The following TNFRSF11A variants were observed in gnomAD, a reference collection of about 807,000 sequenced individuals.
The protein encoded by TNFRSF11A is TNF receptor superfamily member 11a, also known as tumor necrosis factor receptor superfamily member 11A.
Under a neutral mutation model 55.7 loss-of-function variants are expected in TNFRSF11A, and 32 were observed. The observed-to-expected ratio is 0.57, with a 90% CI of 0.43 to 0.77. The LOEUF is 0.77. Ranked by LOEUF, TNFRSF11A falls within the 30% of genes least tolerant of loss-of-function variation. The pLI, the probability that TNFRSF11A is intolerant of heterozygous loss-of-function variation, is 0.00. For missense variants in TNFRSF11A, 753 were observed against 809.8 expected, an observed-to-expected ratio of 0.93 and a Z score of 0.85; for synonymous variants, 311 against 331.0, an observed-to-expected ratio of 0.94 and a Z score of 0.65.
intron 4 of TNFRSF11A, among the ~76,000 whole-genome samples, chr18:62,357,187 G>A (rs928898915): frequency 6.6e-6 from 1 of 152,218 alleles, no homozygotes; most frequent in Non-Finnish European, 1.5e-5. Context: ...CCTTTTTTTA[G>A]TGTTTTATTC....
In TNFRSF11A at chr18:62,348,166, AG is replaced by A; in HGVS notation, c.76del. 2 of 1,613,600 alleles carry A rather than the reference AG, an allele frequency of 1.2e-6. No homozygotes were observed. The highest frequency in any genetic ancestry group is 1.7e-6 in the Non-Finnish European group (2 of 1,179,744). On this transcript the variant is annotated splice_acceptor_variant, in intron 1 of 9. Coordinates refer to ENST00000586569, the MANE Select transcript of TNFRSF11A (RefSeq NM_003839.4). LOFTEE classifies it high-confidence loss of function. ...TCTGCCTGACCTCAGTGTTCTTTTCAGGTGGCTTTGCAGATCGCTCCTCCAT... is the reference window on the plus strand; with the variant it reads ...TCTGCCTGACCTCAGTGTTCTTTTCAGTGGCTTTGCAGATCGCTCCTCCAT...
intron 1 of TNFRSF11A, among the ~76,000 whole-genome samples, chr18:62,331,348 G>C (rs1457006930): frequency 1.3e-5 from 2 of 152,164 alleles, no homozygotes; most frequent in African/African-American, 4.8e-5. Context: ...ATGTTGTTCT[G>C]GTTCAAGTGA....
chr18:62,390,784 T>A lies in TNFRSF11A; in HGVS notation c.*5750T>A, dbSNP rs1911964642. 6.6e-6 allele frequency: 1 copy of A among 152,234 alleles called. No individual in the cohort carries two copies. Among genetic ancestry groups the A allele is most frequent in the Non-Finnish European group, 1.5e-5 (1 of 68,042 alleles). The allele number at this position is 152,234 out of a possible 1,614,324, so 9.4% of individuals were successfully genotyped here. ...ATGACAAAGAAACCATTAAAATGAA[T>A]GTTTAAAGTTCTTAGAAGAGCTTTC... On this transcript the variant is annotated 3_prime_UTR_variant, in exon 10 of 10. Transcript: ENST00000586569.
chr18:62,368,247 T>C (rs1910245686), intron 8 of TNFRSF11A, among the ~76,000 whole-genome samples: 1 of 152,246 alleles, frequency 6.6e-6, no homozygotes, highest in South Asian at 2.1e-4. Flanking sequence ...ACCTGGCTCC[T>C]ATTATTCTCA....
At chr18:62,365,840 CAG>C (rs1388422910) in intron 7 of TNFRSF11A, among the ~76,000 whole-genome samples, 1 of 151,794 alleles carries the variant, frequency 6.6e-6, no homozygotes, top group African/African-American at 2.4e-5. Context: ...TTTTTTGAGA[CAG>C]AGTTTCGCTC....
chr18:62,370,660 T>G (rs1910483101), intron 9 of TNFRSF11A, among the ~76,000 whole-genome samples: 1 of 152,174 alleles, frequency 6.6e-6, no homozygotes, highest in South Asian at 2.1e-4. Context: ...TAATAGCAGT[T>G]CTCAGTCAAA....
At chr18:62,354,356 T>G in intron 3 of TNFRSF11A, 35 bp from the exon 4 acceptor site, 4 of 1,534,520 alleles carry the variant, frequency 2.6e-6, no homozygotes, top group Non-Finnish European at 3.5e-6. Flanking sequence ...TGCCTGCCCC[T>G]CCCTGGCCAC....
chr18:62,368,542 G>A (rs1285106446), intron 8 of TNFRSF11A, among the ~76,000 whole-genome samples, 159 bp from the exon 9 acceptor site: 3 of 152,242 alleles, frequency 2.0e-5, no homozygotes, highest in South Asian at 2.1e-4. Context: ...TCCTGCACTC[G>A]GTAATTTGAA....
intron 3 of TNFRSF11A, among the ~76,000 whole-genome samples, chr18:62,352,653 T>C (rs972882578): frequency 6.6e-6 from 1 of 152,236 alleles, no homozygotes; most frequent in African/African-American, 2.4e-5. Flanking sequence ...GATGGGATCC[T>C]AGGAGTAGTT....
At chr18:62,330,386 T>C (rs1321134075) in intron 1 of TNFRSF11A, among the ~76,000 whole-genome samples, 1 of 152,188 alleles carries the variant, frequency 6.6e-6, no homozygotes, top group East Asian at 1.9e-4. Context: ...GGTTCCAGAA[T>C]GACCAGTGCT....
chr18:62,377,362 T>G (rs1910971684), intron 9 of TNFRSF11A, among the ~76,000 whole-genome samples: 2 of 152,172 alleles, frequency 1.3e-5, no homozygotes, highest in African/African-American at 4.8e-5. Flanking sequence ...GTGTGCAGAT[T>G]TTTGTGTGGA....
At chr18:62,342,979 T>C (rs1261913103) in intron 1 of TNFRSF11A, among the ~76,000 whole-genome samples, 1 of 152,230 alleles carries the variant, frequency 6.6e-6, no homozygotes, top group East Asian at 1.9e-4. Flanking sequence ...TTTAGTGTTT[T>C]GGGTACACAG....
In TNFRSF11A at chr18:62,325,954, G is replaced by T. The variant is rs1451999684; in HGVS notation, c.75+527G>T. ...GGGGACACCCCTGCCAGCTCGCCTGGAGGCCCCGCACGGCGGGGAGAGACT... is the reference window on the plus strand; with the variant it reads ...GGGGACACCCCTGCCAGCTCGCCTGTAGGCCCCGCACGGCGGGGAGAGACT... On this transcript the variant is annotated intron_variant, in intron 1 of 9. Transcript: ENST00000586569. The surrounding 1 kb of genome is among the most constrained non-coding windows in gnomAD (Gnocchi z 4.7). Among the ~76,000 whole-genome samples, 1 of 152,176 alleles carries T rather than the reference G, an allele frequency of 6.6e-6. No homozygotes were observed. Among genetic ancestry groups the T allele is most frequent in the South Asian group, 2.1e-4 (1 of 4,826 alleles).
chr18:62,380,780 C>T (rs944231484), intron 9 of TNFRSF11A, among the ~76,000 whole-genome samples: 2 of 150,738 alleles, frequency 1.3e-5, no homozygotes, highest in Admixed American at 1.3e-4. Flanking sequence ...TTCCACAAGC[C>T]TCACGGCCTT....
At chr18:62,346,712 C>T (rs2046389309) in intron 1 of TNFRSF11A, among the ~76,000 whole-genome samples, 1 of 152,228 alleles carries the variant, frequency 6.6e-6, no homozygotes, top group Admixed American at 6.5e-5. Flanking sequence ...CCCACACCCA[C>T]TCAGCTAGCC....
intron 1 of TNFRSF11A, among the ~76,000 whole-genome samples, chr18:62,341,162 G>A (rs764057984): frequency 1.3e-5 from 2 of 152,230 alleles, no homozygotes; most frequent in Non-Finnish European, 2.9e-5. Context: ...AGTAAACTGT[G>A]TCTGCCTTCA....
At chr18:62,354,637 C>T in intron 4 of TNFRSF11A, 103 bp downstream of exon 4, 1 of 1,540,408 alleles carries the variant, frequency 6.5e-7, no homozygotes, top group South Asian at 1.1e-5. Flanking sequence ...GGGTGCTAGG[C>T]AGCATTGGAG....
At chr18:62,357,263 T>G (rs1446854551) in intron 4 of TNFRSF11A, among the ~76,000 whole-genome samples, 1 of 152,246 alleles carries the variant, frequency 6.6e-6, no homozygotes, top group Non-Finnish European at 1.5e-5. Flanking sequence ...ACCAGCCAGT[T>G]GCCTGATTAT....
chr18:62,370,837 T>G (rs1177834905), intron 9 of TNFRSF11A, among the ~76,000 whole-genome samples: 2 of 2,712 alleles, frequency 7.4e-4, no homozygotes, highest in East Asian at 4.8e-3. Context: ...TTTCTTTTCT[T>G]TTTTTTTTTT....
Sources: allele counts gnomAD v4.1 joint callset (sites outside exome capture counted in the v4.1 genomes callset), GRCh38; gene constraint gnomAD v4.1.1; non-coding constraint Gnocchi (gnomAD v3.1); transcripts MANE v1.5; gene names NCBI Gene and HGNC (gene_info 2026-07-23, HGNC 2026-07-21).